The following ANKRD55 variants were observed in gnomAD, a reference collection of about 807,000 sequenced individuals.
The protein encoded by ANKRD55 is ankyrin repeat domain-containing protein 55.
In ANKRD55, 41 loss-of-function variants were observed where a neutral mutation model predicts 60.6. The observed-to-expected ratio is 0.68, with a 90% CI of 0.53 to 0.88. The LOEUF (loss-of-function observed/expected upper bound fraction) is 0.88, where lower values mean the gene tolerates loss of function less well. Ranked by LOEUF, ANKRD55 falls within the 40% of genes least tolerant of loss-of-function variation. The pLI is 0.00. For synonymous variants in ANKRD55, 264 were observed against 290.3 expected (o/e 0.91, Z 0.92); for missense variants, 732 against 767.6 (o/e 0.95, Z 0.55).
At chr5:56,224,897 C>G (rs1444480079) in intron 2 of ANKRD55, among the ~76,000 whole-genome samples, 1 of 152,136 alleles carries the variant, frequency 6.6e-6, no homozygotes, top group African/African-American at 2.4e-5. Flanking sequence ...CGAATTCTAC[C>G]AGAGCTACAA....
intron 5 of ANKRD55, among the ~76,000 whole-genome samples, chr5:56,166,111 T>TTTC (rs70995778): frequency 0.12 from 9,174 of 75,570 alleles, 948 homozygotes; most frequent in Non-Finnish European, 0.15. Flanking sequence ...TCTTTCTTTC[T>TTTC]TTCTTTCTTT....
chr5:56,140,239 A>T (rs1757723071), intron 7 of ANKRD55, among the ~76,000 whole-genome samples: 1 of 152,238 alleles, frequency 6.6e-6, no homozygotes, highest in Admixed American at 6.5e-5. Context: ...ATGAACAAGA[A>T]GTCTAAAGAA....
chr5:56,186,292 T>G (rs1758971921), intron 2 of ANKRD55, among the ~76,000 whole-genome samples: 1 of 152,296 alleles, frequency 6.6e-6, no homozygotes, highest in Middle Eastern at 3.4e-3. Flanking sequence ...CTCAGCCTCC[T>G]GAGTAGCTGG....
chr5:56,162,873 A>G (rs1758367029), intron 5 of ANKRD55, among the ~76,000 whole-genome samples: 1 of 152,020 alleles, frequency 6.6e-6, no homozygotes, highest in Non-Finnish European at 1.5e-5. Context: ...ATGGGGTTTC[A>G]CTATATTGCC....
At chr5:56,154,847 C>T (rs1005335780) in intron 6 of ANKRD55, among the ~76,000 whole-genome samples, 2 of 152,080 alleles carry the variant, frequency 1.3e-5, no homozygotes, top group African/African-American at 4.8e-5. Flanking sequence ...CCTCAGTCTC[C>T]CAAAGTGCTG....
intron 7 of ANKRD55, among the ~76,000 whole-genome samples, chr5:56,139,987 G>C (rs1440536006): frequency 2.0e-5 from 3 of 152,116 alleles, no homozygotes; most frequent in Non-Finnish European, 4.4e-5. Flanking sequence ...AGAATTGCTT[G>C]AGCCCAGGGT....
intron 6 of ANKRD55, among the ~76,000 whole-genome samples, chr5:56,150,293 T>C (rs1758008192): frequency 6.6e-6 from 1 of 152,170 alleles, no homozygotes; most frequent in South Asian, 2.1e-4. Flanking sequence ...TCACTACATG[T>C]CTCACTACTT....
At chr5:56,199,854 A>C (rs560896900) in intron 2 of ANKRD55, among the ~76,000 whole-genome samples, 1 of 149,130 alleles carries the variant, frequency 6.7e-6, no homozygotes, top group South Asian at 2.1e-4. Flanking sequence ...TCGCACCACT[A>C]CACTCCAGCC....
intron 2 of ANKRD55, among the ~76,000 whole-genome samples, chr5:56,184,055 G>A (rs114536120): frequency 0.015 from 2,346 of 152,266 alleles, 26 homozygotes; most frequent in Non-Finnish European, 0.022. Flanking sequence ...TCCATTCTCC[G>A]TTCTCCAGAT....
In ANKRD55 at chr5:56,111,774, G is replaced by T; in HGVS notation, c.974C>A (p.Pro325His). Residue 325 changes from proline (P) to histidine (H), a missense_variant, in exon 10 of 12, where the codon CCT becomes CAT. This residue lies in a region of ANKRD55 where 597 missense variants were observed against 607.5 expected (regional missense o/e 0.98). Coordinates refer to ENST00000341048, the MANE Select transcript of ANKRD55 (RefSeq NM_024669.3). ...KLLSQESRTE[P>H]TRPPPSQSSR... ...GCTCTGGGAGGGAGGGGGTCGAGTA[G>T]GCTCTGTTCTATGCGAATATAAAAG... 6.6e-7 allele frequency: 1 copy of T among 1,506,716 alleles called. No homozygotes were observed. The highest frequency in any genetic ancestry group is 8.8e-7 in the Non-Finnish European group (1 of 1,132,186). The allele number at this position is 1,506,716 out of a possible 1,614,324, so 93.3% of individuals were successfully genotyped here. A position where few individuals can be genotyped will look rare whatever the true frequency, so the allele number is the denominator to read the frequency against.
At chr5:56,130,174 A>C (rs774970457) in intron 7 of ANKRD55, among the ~76,000 whole-genome samples, 9 of 152,122 alleles carry the variant, frequency 5.9e-5, no homozygotes, top group Non-Finnish European at 1.3e-4. Flanking sequence ...AAATAGTGGG[A>C]GGGGGAAAAG....
chr5:56,135,014 A>G (rs1300214791), intron 7 of ANKRD55, among the ~76,000 whole-genome samples: 3 of 152,252 alleles, frequency 2.0e-5, no homozygotes, highest in Non-Finnish European at 4.4e-5. Flanking sequence ...GGTTGTATCA[A>G]TAGATACAGA....
intron 5 of ANKRD55, among the ~76,000 whole-genome samples, chr5:56,166,226 TTTCTTTCTCTCTATCTTTCTC>T (rs1758480971): frequency 6.8e-6 from 1 of 147,718 alleles, no homozygotes; most frequent in Non-Finnish European, 1.5e-5. Flanking sequence ...TCTTTCTTTC[TTTCTTTCTCTCTATCTTTCTC>T]TCTTTCTTTC....
In ANKRD55 at chr5:56,111,226, T is replaced by C; in HGVS notation, c.1522A>G (p.Thr508Ala). ...SNQVFSYKVWTVSSSDKLLDR... is the reference protein window; with the variant it reads ...SNQVFSYKVWAVSSSDKLLDR... ...AGCAGCTTATCAGAAGAAGACACAG[T>C]CCAAACTTTGTAGGAAAATACCTGA... The change falls in exon 10 of 12, where the codon ACT (threonine) becomes GCT (alanine). Residue 508 changes from threonine (T) to alanine (A), a missense_variant. Coordinates refer to ENST00000341048, the MANE Select transcript of ANKRD55 (RefSeq NM_024669.3). The C allele has an allele frequency of 6.2e-7, 1 of 1,614,112 alleles. No homozygotes were observed. The highest frequency in any genetic ancestry group is 1.6e-4 in the Middle Eastern group (1 of 6,062).
At chr5:56,211,337 GAGCTC>G (rs1759668814) in intron 2 of ANKRD55, among the ~76,000 whole-genome samples, 1 of 152,168 alleles carries the variant, frequency 6.6e-6, no homozygotes, top group Non-Finnish European at 1.5e-5. Context: ...ACTTAACATA[GAGCTC>G]ACTGTATCTC....
In ANKRD55 at chr5:56,232,909, A is replaced by C. The variant is rs1354824222; in HGVS notation, c.5T>G (p.Met2Arg). 1 of 1,614,162 alleles carries C rather than the reference A, an allele frequency of 6.2e-7. No homozygotes were observed. MMRQATMDFSTP... is the reference protein window; with the variant it reads MRRQATMDFSTP... ...GCTGAAATCCATGGTAGCCTGTCTC[A>C]TCATTTACCATCAGAATGGCAAAAA... The change falls in exon 2 of 12, where the codon ATG becomes AGG. Residue 2 changes from methionine to arginine, a missense_variant. By Grantham distance (91) the Met-to-Arg change is moderately conservative (BLOSUM62 -1). Transcript: ENST00000341048.
intron 2 of ANKRD55, among the ~76,000 whole-genome samples, chr5:56,221,163 T>C (rs1759954655): frequency 2.0e-5 from 3 of 152,182 alleles, no homozygotes; most frequent in African/African-American, 7.2e-5. Flanking sequence ...TCCTTTCCCA[T>C]CTCCTATGCT....
intron 4 of ANKRD55, among the ~76,000 whole-genome samples, chr5:56,172,730 T>G (rs976129209): frequency 2.1e-5 from 2 of 93,094 alleles, no homozygotes; most frequent in Non-Finnish European, 3.7e-5. Context: ...TGATGGGCAT[T>G]TTTTTTTTAT....
intron 5 of ANKRD55, among the ~76,000 whole-genome samples, chr5:56,169,280 G>T (rs1221059678): frequency 6.6e-6 from 1 of 152,178 alleles, no homozygotes; most frequent in Non-Finnish European, 1.5e-5. Context: ...GTTTTGAAAT[G>T]ACCACTCTGA....
Sources: gnomAD v4.1 joint callset for allele counts (sites outside exome capture counted in the v4.1 genomes callset) on GRCh38, gnomAD v4.1.1 for gene constraint, gnomAD v4.1.1 regional missense constraint, MANE v1.5 for transcripts, NCBI Gene and HGNC (gene_info 2026-07-23, HGNC 2026-07-21) for gene names.